MBOAT2: variants seen among roughly 807,000 people sequenced by gnomAD.
MBOAT2 encodes the protein membrane bound glycerophospholipid O-acyltransferase 2, also known as membrane-bound glycerophospholipid O-acyltransferase 2.
Under a neutral mutation model 63.4 loss-of-function variants are expected in MBOAT2, and 28 were observed. The ratio of observed to expected loss-of-function variants is 0.44; its 90% CI spans 0.33 to 0.61. The LOEUF is 0.61. Ranked by LOEUF, MBOAT2 falls within the 20% of genes least tolerant of loss-of-function variation. MBOAT2 has a pLI of 0.03. For missense variants in MBOAT2, 470 were observed against 605.8 expected, an observed-to-expected ratio of 0.78 and a Z score of 2.35; for synonymous variants, 211 against 215.6, an observed-to-expected ratio of 0.98 and a Z score of 0.19.
chr2:8,944,821 T>G (rs1442246409), intron 2 of MBOAT2, among the ~76,000 whole-genome samples: 1 of 152,122 alleles, frequency 6.6e-6, no homozygotes, highest in Non-Finnish European at 1.5e-5. Flanking sequence ...ATGATCTACC[T>G]CTTATGTGTT....
chr2:8,920,279 A>G (rs1666480967), intron 3 of MBOAT2, among the ~76,000 whole-genome samples: 1 of 152,200 alleles, frequency 6.6e-6, no homozygotes. Context: ...TGATTGTCCC[A>G]GCACTGTGTA....
chr2:8,879,436 G>T (rs983930985), intron 6 of MBOAT2, among the ~76,000 whole-genome samples: 2 of 152,224 alleles, frequency 1.3e-5, no homozygotes, highest in Non-Finnish European at 2.9e-5. Flanking sequence ...AGGTACCGAA[G>T]TAAGTAACTG....
At chr2:8,901,409 G>C (rs1325944506) in intron 4 of MBOAT2, among the ~76,000 whole-genome samples, 2 of 152,146 alleles carry the variant, frequency 1.3e-5, no homozygotes, top group African/African-American at 4.8e-5. Flanking sequence ...GGAGGACCGA[G>C]AAAAATTGGA....
At chr2:8,993,528 C>T (rs994240156) in intron 1 of MBOAT2, among the ~76,000 whole-genome samples, 2 of 152,136 alleles carry the variant, frequency 1.3e-5, no homozygotes, top group African/African-American at 4.8e-5. Context: ...AACCTGCCTT[C>T]TACCTAGCCC....
chr2:8,965,530 A>G (rs953384410), intron 1 of MBOAT2, among the ~76,000 whole-genome samples: 1 of 152,190 alleles, frequency 6.6e-6, no homozygotes, highest in African/African-American at 2.4e-5. Flanking sequence ...CACTTTAATT[A>G]ACATGTGGTT....
rs921641395 is a variant in MBOAT2, at chr2:8,966,029, C to T, written c.76-7387G>A. ...AATATGTTCTAATTTTTAAAAATAA[C>T]ATTAACGGATTTTTGATAACATATT... On this transcript the variant is annotated intron_variant, in intron 1 of 12. Coordinates refer to ENST00000305997, the MANE Select transcript of MBOAT2 (RefSeq NM_138799.4). Among the ~76,000 whole-genome samples, 10 of 152,266 alleles carry T rather than the reference C, an allele frequency of 6.6e-5. No homozygotes were observed. The East Asian group carries it at 1.7e-3, about 26-fold the overall frequency.
intron 8 of MBOAT2, among the ~76,000 whole-genome samples, chr2:8,871,196 C>T (rs183430028): frequency 7.2e-5 from 11 of 152,206 alleles, no homozygotes; most frequent in Non-Finnish European, 1.6e-4. Context: ...TGGGGTCTCA[C>T]CATGTTGCTC....
chr2:8,925,998 G>A (rs1005858023), intron 3 of MBOAT2, among the ~76,000 whole-genome samples: 1 of 152,212 alleles, frequency 6.6e-6, no homozygotes, highest in Non-Finnish European at 1.5e-5. Flanking sequence ...GAGGAGTGTA[G>A]AGAGGGTAAG....
chr2:8,864,126 T>C lies in MBOAT2; in HGVS notation c.1052+44A>G, dbSNP rs756030072. ...CTCAATGAAGCTCAACCTCGAGAACTAGACGCCAAAGCACATCTAAAGATC... is the reference window on the plus strand; with the variant it reads ...CTCAATGAAGCTCAACCTCGAGAACCAGACGCCAAAGCACATCTAAAGATC... On this transcript the variant is annotated intron_variant, in intron 10 of 12. Coordinates refer to ENST00000305997, the MANE Select transcript of MBOAT2 (RefSeq NM_138799.4). 18 of 1,372,352 alleles carry C rather than the reference T, an allele frequency of 1.3e-5. No homozygotes were observed. The South Asian group carries it at 1.4e-4, about 11-fold the overall frequency. 85.0% of individuals were successfully genotyped at this position (1,372,352 alleles called of 1,614,324 possible).
chr2:8,960,593 T>C (rs1669537656), intron 1 of MBOAT2, among the ~76,000 whole-genome samples: 1 of 152,204 alleles, frequency 6.6e-6, no homozygotes, highest in Non-Finnish European at 1.5e-5. Context: ...GCAGCTTCCC[T>C]TCCCCCATTC....
chr2:8,942,201 C>T (rs371882408), intron 3 of MBOAT2, among the ~76,000 whole-genome samples: 40 of 152,172 alleles, frequency 2.6e-4, no homozygotes, highest in African/African-American at 8.9e-4. Context: ...ACAGAGGTAG[C>T]GACTGACAGT....
chr2:8,979,938 T>C (rs1057079402), intron 1 of MBOAT2, among the ~76,000 whole-genome samples: 10 of 152,124 alleles, frequency 6.6e-5, no homozygotes, highest in African/African-American at 2.4e-4. Flanking sequence ...TGGAAAACCA[T>C]CTGTGCATCC....
chr2:8,884,060 T>TA (rs758119072), intron 5 of MBOAT2, among the ~76,000 whole-genome samples: 4,305 of 104,256 alleles, frequency 0.041, 70 homozygotes, highest in Non-Finnish European at 0.053. Context: ...TTGTCTTTAC[T>TA]AAAAAAAAAA....
intron 3 of MBOAT2, among the ~76,000 whole-genome samples, chr2:8,920,152 T>C (rs1230016640): frequency 2.0e-5 from 3 of 152,184 alleles, no homozygotes; most frequent in African/African-American, 7.2e-5. Context: ...TCTCCTGTGT[T>C]GTCTTCTGAA....
intron 7 of MBOAT2, among the ~76,000 whole-genome samples, chr2:8,874,952 T>C (rs1239545956): frequency 2.0e-5 from 3 of 152,204 alleles, no homozygotes; most frequent in Non-Finnish European, 4.4e-5. Flanking sequence ...TCTAACACTT[T>C]GGGGCCCCCA....
chr2:8,868,432 A>G lies in MBOAT2; in HGVS notation c.987+14T>C, dbSNP rs767654046. On this transcript the variant is annotated intron_variant, in intron 9 of 12. Transcript: ENST00000305997. ...TAAAGTATATAGTAACTAACTTCTTAAAGATTGACTCACCTCTATTTGTTG... is the reference window on the plus strand; with the variant it reads ...TAAAGTATATAGTAACTAACTTCTTGAAGATTGACTCACCTCTATTTGTTG... 3 of 1,607,328 alleles carry G rather than the reference A, an allele frequency of 1.9e-6. No individual in the cohort carries two copies. Among genetic ancestry groups the G allele is most frequent in the Non-Finnish European group, 2.6e-6 (3 of 1,174,930 alleles).
intron 4 of MBOAT2, among the ~76,000 whole-genome samples, chr2:8,906,033 C>G (rs527276847): frequency 6.6e-6 from 1 of 152,326 alleles, no homozygotes; most frequent in African/African-American, 2.4e-5. Context: ...TCTCAGCTCA[C>G]TGCAACCTCT....
chr2:8,865,693 G>A (rs556383499), intron 9 of MBOAT2, among the ~76,000 whole-genome samples: 1 of 152,334 alleles, frequency 6.6e-6, no homozygotes, highest in Admixed American at 6.5e-5. Flanking sequence ...CCTAGGAGTT[G>A]TGTAATCTGG....
chr2:8,974,561 A>G (rs930554839), intron 1 of MBOAT2: 3 of 370,688 alleles, frequency 8.1e-6, no homozygotes, highest in Non-Finnish European at 1.6e-5. Context: ...GAGGTAACAG[A>G]CGTCTCCAGC....
Sources: allele counts gnomAD v4.1 joint callset (sites outside exome capture counted in the v4.1 genomes callset), GRCh38; gene constraint gnomAD v4.1.1; transcripts MANE v1.5; gene names NCBI Gene and HGNC (gene_info 2026-07-23, HGNC 2026-07-21).